The following KIRREL3 variants were observed in gnomAD, a reference collection of about 807,000 sequenced individuals.
KIRREL3 encodes kirre like nephrin family adhesion molecule 3, also known as kin of IRRE-like protein 3.
KIRREL3 carries 36 observed loss-of-function variants against 89.7 expected under a neutral mutation model. That is an observed-to-expected ratio of 0.40 (90% CI 0.31 to 0.53). The LOEUF (loss-of-function observed/expected upper bound fraction) is 0.53, where lower values mean the gene tolerates loss of function less well. Ranked by LOEUF, KIRREL3 falls within the 20% of genes least tolerant of loss-of-function variation. KIRREL3 has a pLI of 0.49. For synonymous variants in KIRREL3, 445 were observed against 441.4 expected (o/e 1.01, Z -0.10); for missense variants, 864 against 1,056.6 (o/e 0.82, Z 2.53).
At chr11:126,572,662 G>A (rs1057099862) in intron 1 of KIRREL3, among the ~76,000 whole-genome samples, 1 of 152,176 alleles carries the variant, frequency 6.6e-6, no homozygotes, top group Non-Finnish European at 1.5e-5. Context: ...GTGGGAGTGA[G>A]GCTCCTGGAG....
intron 1 of KIRREL3, among the ~76,000 whole-genome samples, chr11:126,952,847 G>A (rs1305905793): frequency 6.6e-6 from 1 of 152,198 alleles, no homozygotes; most frequent in East Asian, 1.9e-4. Flanking sequence ...ATGCTGGAGA[G>A]GATGTGGAGA....
In KIRREL3 at chr11:126,719,859, C is replaced by G. The variant is rs1310948444; in HGVS notation, c.56-156947G>C. ...CGCCCTGCTTCTTCCCTGCTTCAGC[C>G]TCTTCTTAACCCAGTGGCCACAGCC... On this transcript the variant is annotated intron_variant, in intron 1 of 16. Coordinates refer to ENST00000525144, the MANE Select transcript of KIRREL3 (RefSeq NM_032531.4). This position sits in a 1 kb window ranked among gnomAD's most constrained non-coding sequence, Gnocchi z 4.7. 6.6e-6 allele frequency among the ~76,000 whole-genome samples: 1 copy of G among 152,214 alleles called. No homozygotes were observed. The highest frequency in any genetic ancestry group is 1.5e-5 in the Non-Finnish European group (1 of 68,042).
chr11:126,424,295 G>A lies in KIRREL3; in HGVS notation c.*285C>T, dbSNP rs959364826. 1.8e-5 allele frequency: 9 copies of A among 491,012 alleles called. No homozygotes were observed. The highest frequency in any genetic ancestry group is 2.9e-5 in the Non-Finnish European group (8 of 271,482). The allele number at this position is 491,012 out of a possible 1,614,324, so 30.4% of individuals were successfully genotyped here. ...CTGTGGGCAGAGCAGGTGGTAGAGG[G>A]GCCTCCAGGAAAGGGCCGGGGACAC... is the stretch of plus-strand genomic sequence containing the variant. On this transcript the variant is annotated 3_prime_UTR_variant, in exon 17 of 17. Coordinates refer to ENST00000525144, the MANE Select transcript of KIRREL3 (RefSeq NM_032531.4).
rs1225424911 is a variant in KIRREL3 at position 126,811,923 on chromosome 11, C to T, written c.55+188532G>A. On this transcript the variant is annotated intron_variant, in intron 1 of 16. Transcript: ENST00000525144. The surrounding 1 kb of genome is among the most constrained non-coding windows in gnomAD (Gnocchi z 4.3). ...TCTAAGAGAAATCAGATCAAGCCCT[C>T]AAACATTAATTTACAGTCAAGAGAC... Among the ~76,000 whole-genome samples the T allele has an allele frequency of 1.3e-5, 2 of 152,186 alleles. No homozygotes were observed. The highest frequency in any genetic ancestry group is 2.9e-5 in the Non-Finnish European group (2 of 68,040).
chr11:126,508,469 A>G lies in KIRREL3; in HGVS notation c.433+12846T>C, dbSNP rs1958097940. Among the ~76,000 whole-genome samples the G allele has an allele frequency of 6.6e-6, 1 of 152,146 alleles. No individual in the cohort carries two copies. The highest frequency in any genetic ancestry group is 2.4e-5 in the African/African-American group (1 of 41,440). ...GTCCATCTGAGGAGGAGGGGCTGCC[A>G]GGAAGGGTTTTTGGAAGCCTTGGGT... On this transcript the variant is annotated intron_variant, in intron 4 of 16. Coordinates refer to ENST00000525144, the MANE Select transcript of KIRREL3 (RefSeq NM_032531.4). This position sits in a 1 kb window ranked among gnomAD's most constrained non-coding sequence, Gnocchi z 4.9.
At chr11:126,637,946 G>C (rs940613689) in intron 1 of KIRREL3, among the ~76,000 whole-genome samples, 1 of 152,236 alleles carries the variant, frequency 6.6e-6, no homozygotes, top group African/African-American at 2.4e-5. Context: ...GCATGAGTCA[G>C]TGAGCAGCAG....
intron 1 of KIRREL3, among the ~76,000 whole-genome samples, chr11:126,901,137 C>G (rs1946353238): frequency 6.8e-6 from 1 of 147,032 alleles, no homozygotes; most frequent in South Asian, 2.3e-4. Flanking sequence ...TCGCTTGAAC[C>G]TGGGAGGCAG....
At chr11:126,631,001 TCCCTGCCTGGTGTTCCCCACA>T (rs1033156440) in intron 1 of KIRREL3, among the ~76,000 whole-genome samples, 4 of 152,186 alleles carry the variant, frequency 2.6e-5, no homozygotes, top group African/African-American at 9.7e-5. Flanking sequence ...TCAGCTTCCA[TCCCTGCCTGGTGTTCCCCACA>T]CCAAAATATG....
rs903697948 is a variant in KIRREL3 at position 126,428,364 on chromosome 11, A to G, written c.1806+815T>C. ...CAACTAGGTAGATGATGGCCCATAAATGGGGATTCGGAAGAGGAGGAGCAG... is the reference window on the plus strand; with the variant it reads ...CAACTAGGTAGATGATGGCCCATAAGTGGGGATTCGGAAGAGGAGGAGCAG... On this transcript the variant is annotated intron_variant, in intron 15 of 16. Coordinates refer to ENST00000525144, the MANE Select transcript of KIRREL3 (RefSeq NM_032531.4). The surrounding 1 kb of genome is among the most constrained non-coding windows in gnomAD (Gnocchi z 6.4). 6.6e-6 allele frequency among the ~76,000 whole-genome samples: 1 copy of G among 152,118 alleles called. No individual in the cohort carries two copies. Among genetic ancestry groups the G allele is most frequent in the Non-Finnish European group, 1.5e-5 (1 of 68,030 alleles).
At chr11:126,663,466 C>G (rs954705658) in intron 1 of KIRREL3, among the ~76,000 whole-genome samples, 1 of 152,124 alleles carries the variant, frequency 6.6e-6, no homozygotes. Flanking sequence ...ATTACAATGT[C>G]TGGCTTTAAC....
intron 1 of KIRREL3, among the ~76,000 whole-genome samples, chr11:126,588,019 G>C (rs1941951400): frequency 6.6e-6 from 1 of 152,176 alleles, no homozygotes; most frequent in East Asian, 1.9e-4. Flanking sequence ...ATTGGGCCAT[G>C]AGGTAGATTG....
intron 1 of KIRREL3, chr11:126,681,964 AG>A (rs563346573): frequency 9.0e-6 from 4 of 446,744 alleles, no homozygotes; most frequent in Non-Finnish European, 1.4e-5. Context: ...ACAATTCAGA[AG>A]GAAGAAAGAA....
intron 1 of KIRREL3, among the ~76,000 whole-genome samples, chr11:126,730,761 T>C (rs921151539): frequency 3.3e-5 from 5 of 152,066 alleles, no homozygotes; most frequent in African/African-American, 4.8e-5. Context: ...GTTTTTGAGA[T>C]TGAGTCTTGC....
At chr11:126,774,847 G>C (rs114515329) in intron 1 of KIRREL3, among the ~76,000 whole-genome samples, 11 of 152,208 alleles carry the variant, frequency 7.2e-5, no homozygotes, top group African/African-American at 2.6e-4. Flanking sequence ...GGATCCTGCT[G>C]AGCCCAGCTT....
chr11:126,816,630 T>A (rs1057497359), intron 1 of KIRREL3, among the ~76,000 whole-genome samples: 6 of 152,232 alleles, frequency 3.9e-5, no homozygotes, highest in African/African-American at 7.2e-5. Context: ...CCCAGGAATC[T>A]CCCACGTGCT....
rs1324724878 is a variant in KIRREL3, at chr11:126,719,543, T to G, written c.56-156631A>C. On this transcript the variant is annotated intron_variant, in intron 1 of 16. Transcript: ENST00000525144. The surrounding 1 kb of genome is among the most constrained non-coding windows in gnomAD (Gnocchi z 4.7). ...TACTTCCTTGCTGGGCATTTCCATT[T>G]GAACATCTCTTAGGTTTCTAAAATG... 6.6e-6 allele frequency among the ~76,000 whole-genome samples: 1 copy of G among 152,188 alleles called. No individual in the cohort carries two copies. The highest frequency in any genetic ancestry group is 1.5e-5 in the Non-Finnish European group (1 of 68,024).
chr11:126,730,378 C>G (rs531427279), intron 1 of KIRREL3, among the ~76,000 whole-genome samples: 124 of 152,358 alleles, frequency 8.1e-4, no homozygotes, highest in African/African-American at 2.8e-3. Context: ...CCTCCACCCT[C>G]TCCTCACCCT....
At chr11:126,661,371 C>A (rs777055738) in intron 1 of KIRREL3, among the ~76,000 whole-genome samples, 14 of 152,216 alleles carry the variant, frequency 9.2e-5, no homozygotes, top group Non-Finnish European at 1.5e-4. Context: ...AAGTCCCCTA[C>A]AACTTTTACA....
At chr11:126,862,562 C>G (rs1363414847) in intron 1 of KIRREL3, among the ~76,000 whole-genome samples, 2 of 152,130 alleles carry the variant, frequency 1.3e-5, no homozygotes, top group African/African-American at 4.8e-5. Context: ...GGACTCTAGC[C>G]CCTGTCCCTT....
Sources: gnomAD v4.1 joint callset for allele counts (sites outside exome capture counted in the v4.1 genomes callset) on GRCh38, gnomAD v4.1.1 for gene constraint, Gnocchi (gnomAD v3.1) non-coding constraint, MANE v1.5 for transcripts, NCBI Gene and HGNC (gene_info 2026-07-23, HGNC 2026-07-21) for gene names.